R3HDM2: variants seen among roughly 807,000 people sequenced by gnomAD.
R3HDM2 encodes the protein R3H domain containing 2.
Under a neutral mutation model 124.5 loss-of-function variants are expected in R3HDM2, and 38 were observed. The observed-to-expected ratio is 0.31, with a 90% CI of 0.24 to 0.40. The LOEUF (loss-of-function observed/expected upper bound fraction) is 0.40, where lower values mean the gene tolerates loss of function less well. R3HDM2 is among the 10% of genes least tolerant of loss of function. The pLI is 1.00. For synonymous variants in R3HDM2, 391 were observed against 448.0 expected (o/e 0.87, Z 1.61); for missense variants, 869 against 1,236.9 (o/e 0.70, Z 4.46).
intron 1 of R3HDM2, among the ~76,000 whole-genome samples, chr12:57,420,083 C>T (rs2139531366): frequency 1.3e-5 from 2 of 152,214 alleles, no homozygotes; most frequent in Middle Eastern, 6.8e-3. Context: ...TGACCTTTTC[C>T]TTCTCTTAAT....
At chr12:57,362,514 TA>T (rs759638280) in intron 2 of R3HDM2, among the ~76,000 whole-genome samples, 64 of 152,238 alleles carry the variant, frequency 4.2e-4, no homozygotes, top group Non-Finnish European at 7.8e-4. Context: ...GTAAGGCTTC[TA>T]GTCAACAGTA....
chr12:57,320,961 T>G (rs2056354551), intron 2 of R3HDM2, among the ~76,000 whole-genome samples: 1 of 152,218 alleles, frequency 6.6e-6, no homozygotes. Flanking sequence ...CCTTGGAAGC[T>G]TTCCGGTCCT....
intron 2 of R3HDM2, among the ~76,000 whole-genome samples, chr12:57,367,162 A>G (rs879340066): frequency 6.6e-6 from 1 of 151,994 alleles, no homozygotes; most frequent in Non-Finnish European, 1.5e-5. Flanking sequence ...AAGTGTTTCT[A>G]CTCTGGTTAG....
chr12:57,304,562 C>G (rs1297009149), intron 3 of R3HDM2: 26 of 958,838 alleles, frequency 2.7e-5, no homozygotes, highest in Non-Finnish European at 3.2e-5. Context: ...AAATGGAGAA[C>G]TGGGAAGGTG....
At chr12:57,369,850 A>G (rs1356649531) in intron 2 of R3HDM2, among the ~76,000 whole-genome samples, 1 of 152,194 alleles carries the variant, frequency 6.6e-6, no homozygotes, top group African/African-American at 2.4e-5. Context: ...TAATAAAAGA[A>G]AAAGAAGTCA....
intron 4 of R3HDM2, among the ~76,000 whole-genome samples, chr12:57,301,102 TCAAAAAAC>T (rs1451019748): frequency 1.5e-4 from 23 of 149,820 alleles, no homozygotes; most frequent in African/African-American, 5.4e-4. Context: ...AGACCCTATC[TCAAAAAAC>T]CAAAAAACAA....
chr12:57,313,545 C>G (rs1296365019), intron 2 of R3HDM2, among the ~76,000 whole-genome samples: 3 of 138,578 alleles, frequency 2.2e-5, no homozygotes, highest in African/African-American at 8.2e-5. Context: ...GCCTAGGCAA[C>G]AGAGTAAGAC....
chr12:57,421,244 T>C (rs928627519), intron 1 of R3HDM2, among the ~76,000 whole-genome samples: 22 of 144,472 alleles, frequency 1.5e-4, no homozygotes, highest in African/African-American at 5.7e-4. Context: ...CTCCGCCTAC[T>C]AGATTCAAGC....
chr12:57,421,161 CTTTTT>C (rs58868663), intron 1 of R3HDM2, among the ~76,000 whole-genome samples: 10 of 119,268 alleles, frequency 8.4e-5, no homozygotes, highest in African/African-American at 2.5e-4. Context: ...CTAACAGATT[CTTTTT>C]TTTTTTTTTT....
At chr12:57,336,983 A>G (rs913832369) in intron 2 of R3HDM2, among the ~76,000 whole-genome samples, 2 of 152,220 alleles carry the variant, frequency 1.3e-5, no homozygotes, top group African/African-American at 4.8e-5. Flanking sequence ...TATTTGTAAA[A>G]AAGTCTAGAT....
At chr12:57,332,839 A>T (rs1411997062) in intron 2 of R3HDM2, among the ~76,000 whole-genome samples, 1 of 152,200 alleles carries the variant, frequency 6.6e-6, no homozygotes, top group African/African-American at 2.4e-5. Flanking sequence ...GGAGGTGATG[A>T]TATAATGATT....
Position 57,254,642 on chromosome 12 carries a change from A to C in R3HDM2, c.*131T>G, listed in dbSNP as rs1298653473. On this transcript the variant is annotated 3_prime_UTR_variant, in exon 24 of 24. Coordinates refer to ENST00000402412, the MANE Select transcript of R3HDM2 (RefSeq NM_001394031.1). ...TGTAGGTATCTGTGTTTCCATCTTC[A>C]TCACTGTCTTAGGTTCCAGTTTAAC... is the stretch of plus-strand genomic sequence containing the variant. 1 of 788,620 alleles carries C rather than the reference A, an allele frequency of 1.3e-6. No individual in the cohort carries two copies. Among genetic ancestry groups the C allele is most frequent in the Non-Finnish European group, 1.9e-6 (1 of 516,278 alleles). 48.9% of individuals were successfully genotyped at this position (788,620 alleles called of 1,614,324 possible).
At chr12:57,276,996 G>T (rs1008917382) in intron 14 of R3HDM2, among the ~76,000 whole-genome samples, 1 of 151,734 alleles carries the variant, frequency 6.6e-6, no homozygotes, top group Non-Finnish European at 1.5e-5. Flanking sequence ...ATACTGCTCG[G>T]GAGATGGGTG....
At chr12:57,359,454 T>G (rs2061636412) in intron 2 of R3HDM2, among the ~76,000 whole-genome samples, 1 of 152,204 alleles carries the variant, frequency 6.6e-6, no homozygotes, top group Admixed American at 6.6e-5. Context: ...GCTGCTTATA[T>G]TCATGGTAAT....
intron 1 of R3HDM2, chr12:57,415,350 G>A (rs938539592): frequency 1.3e-5 from 2 of 152,096 alleles, no homozygotes; most frequent in African/African-American, 4.8e-5. Flanking sequence ...AGAAGATTTA[G>A]CATGGCCCCT....
At chr12:57,288,823 A>G in intron 12 of R3HDM2, 186 bp downstream of exon 12, 1 of 1,505,806 alleles carries the variant, frequency 6.6e-7, no homozygotes, top group East Asian at 2.5e-5. Flanking sequence ...AAAATTAAAA[A>G]TAAAAAGGAG....
In R3HDM2 at chr12:57,420,178, T is replaced by A. The variant is rs1248372157; in HGVS notation, c.-106+10542A>T. Among the ~76,000 whole-genome samples the A allele has an allele frequency of 2.0e-5, 3 of 152,188 alleles. No homozygotes were observed. In the East Asian group the frequency reaches 5.8e-4, roughly 29 times the overall value. On this transcript the variant is annotated intron_variant, in intron 1 of 23. Transcript: ENST00000402412. ...TTCATTCTGTTATCATGGCTCTGTA[T>A]TGTCTTGTTCATTCTCCTGTATATA...
intron 2 of R3HDM2, among the ~76,000 whole-genome samples, chr12:57,316,795 G>A (rs1350676229): frequency 6.6e-6 from 1 of 151,030 alleles, no homozygotes; most frequent in Non-Finnish European, 1.5e-5. Context: ...TGTCACCCAG[G>A]CTGGAGTGCA....
chr12:57,271,844 G>C (rs890037186), intron 14 of R3HDM2, among the ~76,000 whole-genome samples: 29 of 152,164 alleles, frequency 1.9e-4, no homozygotes, highest in African/African-American at 7.0e-4. Flanking sequence ...TGGTAAAACA[G>C]GGGAACAGTT....
Sources: allele counts gnomAD v4.1 joint callset (sites outside exome capture counted in the v4.1 genomes callset), GRCh38; gene constraint gnomAD v4.1.1; transcripts MANE v1.5; gene names NCBI Gene and HGNC (gene_info 2026-07-23, HGNC 2026-07-21).